The following INTS11 variants were observed in gnomAD, a reference collection of about 807,000 sequenced individuals.
The protein encoded by INTS11 is CPSF3-like protein.
In INTS11, 77 loss-of-function variants were observed where a neutral mutation model predicts 78.6. The observed-to-expected ratio is 0.98, with a 90% CI of 0.81 to 1.18. The LOEUF is 1.18. Ranked by LOEUF, INTS11 falls within the 50% of genes most tolerant of loss-of-function variation. The probability of loss-of-function intolerance (pLI) is 0.00; values close to 1 mark genes in which losing one functional copy is unlikely to be tolerated. For synonymous variants in INTS11, 441 were observed against 326.9 expected (o/e 1.35, Z -3.77); for missense variants, 875 against 825.9 (o/e 1.06, Z -0.73).
At chr1:1,320,917 G>T (rs1437380363) in intron 2 of INTS11, 79 bp downstream of exon 2, 1 of 1,276,580 alleles carries the variant, frequency 7.8e-7, no homozygotes, top group Admixed American at 1.7e-5. Context: ...CCACCCCACT[G>T]TCCCGGCTCT....
chr1:1,315,707 GGGGGTGGGGAGCGTGGGGGAA>G (rs1324087559), intron 4 of INTS11, 89 bp from the exon 5 acceptor site: 2 of 227,976 alleles, frequency 8.8e-6, no homozygotes, highest in African/African-American at 7.2e-5. Flanking sequence ...CGCGGGAGGC[GGGGGTGGGGAGCGTGGGGGAA>G]GGGGAGCGAG....
chr1:1,316,488 C>T (rs1263706498), intron 4 of INTS11: 1 of 151,814 alleles, frequency 6.6e-6, no homozygotes, highest in Non-Finnish European at 1.5e-5. Context: ...ACTCAGTAGG[C>T]TAAGGCAGAA....
chr1:1,312,459 G>C lies in INTS11; in HGVS notation c.1445C>G (p.Thr482Ser), dbSNP rs187264376. 10 of 1,572,986 alleles carry C rather than the reference G, an allele frequency of 6.4e-6. No individual in the cohort carries two copies. In the East Asian group the frequency reaches 2.4e-4, roughly 37 times the overall value. ...EAKKPRLLHG[T>S]LIMKDSNFRL... ...ACTCACGCTGTCCTTCATGATCAGG[G>C]TGCCGTGCAGGAGCCGAGGCTTCTT... Residue 482 changes from threonine to serine, a missense_variant, in exon 14 of 17, where the codon ACC becomes AGC. Transcript: ENST00000435064.
chr1:1,322,897 CTGAGGTGACCT>C, intron 1 of INTS11: 1 of 1,259,286 alleles, frequency 7.9e-7, no homozygotes, highest in South Asian at 2.1e-5. Context: ...GATACCTTGG[CTGAGGTGACCT>C]TGAGAATATA....
intron 2 of INTS11, 189 bp from the exon 3 acceptor site, chr1:1,320,718 C>A (rs1411625562): frequency 4.1e-6 from 3 of 731,472 alleles, no homozygotes; most frequent in East Asian, 5.3e-5. Context: ...AGGTTACCCC[C>A]AACCTCACTG....
intron 2 of INTS11, chr1:1,320,794 G>A (rs760325173): frequency 3.1e-5 from 22 of 715,824 alleles, no homozygotes; most frequent in African/African-American, 1.0e-4. Flanking sequence ...CCCGGGGCTG[G>A]GGCTCAGCGC....
intron 1 of INTS11, chr1:1,323,023 G>C (rs1569576553): frequency 7.1e-7 from 1 of 1,404,844 alleles, no homozygotes. Context: ...TGGGAAAGGG[G>C]CAGGCTGGGA....
chr1:1,323,671 A>G (rs1643100726), intron 1 of INTS11, among the ~76,000 whole-genome samples: 1 of 151,080 alleles, frequency 6.6e-6, no homozygotes, highest in South Asian at 2.1e-4. Context: ...TCTGCCTTCC[A>G]AAGTGCTGTG....
intron 3 of INTS11, 164 bp downstream of exon 3, chr1:1,320,292 G>A (rs1642868076): frequency 1.5e-6 from 1 of 676,342 alleles, no homozygotes. Flanking sequence ...CAGGCCATGT[G>A]TGTGACCAGT....
chr1:1,314,123 G>T lies in INTS11; in HGVS notation c.767+178C>A. 2 of 768,942 alleles carry T rather than the reference G, an allele frequency of 2.6e-6. No individual in the cohort carries two copies. Among genetic ancestry groups the T allele is most frequent in the Non-Finnish European group, 4.3e-6 (2 of 459,896 alleles). The allele number at this position is 768,942 out of a possible 1,614,324, so 47.6% of individuals were successfully genotyped here. A position where few individuals can be genotyped will look rare whatever the true frequency, so the allele number is the denominator to read the frequency against. On this transcript the variant is annotated intron_variant, in intron 8 of 16. Transcript: ENST00000435064. The surrounding 1 kb of genome is among the most constrained non-coding windows in gnomAD (Gnocchi z 4.2). ...AGGAACCCCTACAAGAGCCGCACAC[G>T]GTGGCGCTGACGGGATGTCACAGGC...
Position 1,313,793 on chromosome 1 carries a change from A to G in INTS11, c.896T>C (p.Met299Thr). ...KIRKTFVQRN[M>T]FEFKHIKAFD... ...GGCCTTGATGTGCTTGAACTCAAAC[A>G]TGTTCCTCTGCACGAAAGTCTTGCG... The change falls in exon 9 of 17, where the codon ATG (methionine) becomes ACG (threonine). Residue 299 changes from methionine to threonine, a missense_variant. By Grantham distance (81) the Met-to-Thr change is moderately conservative. Transcript: ENST00000435064. 6.2e-7 allele frequency: 1 copy of G among 1,613,412 alleles called. No homozygotes were observed. Among genetic ancestry groups the G allele is most frequent in the Non-Finnish European group, 8.5e-7 (1 of 1,179,972 alleles).
chr1:1,315,199 G>A, intron 6 of INTS11: 1 of 733,988 alleles, frequency 1.4e-6, no homozygotes. Flanking sequence ...AGAGACTTGG[G>A]AAGAGAGAGA....
chr1:1,323,206 G>A (rs1489248668), intron 1 of INTS11: 12 of 1,550,166 alleles, frequency 7.7e-6, no homozygotes, highest in Non-Finnish European at 8.7e-6. Flanking sequence ...ATGGAATCCC[G>A]TCCTGGTGTC....
In INTS11 at chr1:1,312,213, G is replaced by GGGGGGGCCGCCCCCCCCCC; in HGVS notation, c.1607+12_1607+13insGGGGGGGGGGCGGCCCCCC. The GGGGGGGCCGCCCCCCCCCC allele has an allele frequency of 1.1e-6, 1 of 934,620 alleles. No homozygotes were observed. Among genetic ancestry groups the GGGGGGGCCGCCCCCCCCCC allele is most frequent in the Non-Finnish European group, 1.6e-6 (1 of 636,670 alleles). 57.9% of individuals were successfully genotyped at this position (934,620 alleles called of 1,614,324 possible). On this transcript the variant is annotated intron_variant, in intron 15 of 16. Transcript: ENST00000435064. ...CCCAAGGGAGTGGGGGGGGGGCGGG[G>GGGGGGGCCGCCCCCCCCCC]CCGGGCGCCCACCTCTTGAGGTGGC... is the stretch of plus-strand genomic sequence containing the variant.
chr1:1,316,017 A>C lies in INTS11; in HGVS notation c.430-399T>G, dbSNP rs1369368189. ...CGTGGACTTTGAATACATGACAGAG[A>C]AAAGACAAGGTTCAGAATGTTGGCG... is the stretch of plus-strand genomic sequence containing the variant. On this transcript the variant is annotated intron_variant, in intron 4 of 16. Transcript: ENST00000435064. 5 of 265,114 alleles carry C rather than the reference A, an allele frequency of 1.9e-5. 1 individual carries two copies. Among genetic ancestry groups the C allele is most frequent in the Non-Finnish European group, 3.6e-5 (5 of 137,306 alleles). The allele number at this position is 265,114 out of a possible 1,614,324, so 16.4% of individuals were successfully genotyped here. A position where few individuals can be genotyped will look rare whatever the true frequency, so the allele number is the denominator to read the frequency against.
chr1:1,322,058 G>A, intron 1 of INTS11: 1 of 1,005,514 alleles, frequency 9.9e-7, no homozygotes, highest in Non-Finnish European at 1.3e-6. Context: ...CTCTCTGAGA[G>A]CAGGGTCTCA....
intron 1 of INTS11, among the ~76,000 whole-genome samples, chr1:1,322,260 A>C (rs1642989982): frequency 1.3e-5 from 2 of 151,728 alleles, no homozygotes; most frequent in Admixed American, 6.6e-5. Context: ...GTCCTGAAGT[A>C]CTGGCAGTCC....
At chr1:1,318,602 G>A (rs1168828392) in intron 4 of INTS11, 4 of 340,396 alleles carry the variant, frequency 1.2e-5, no homozygotes, top group African/African-American at 6.5e-5. Context: ...AGGCTGCAGT[G>A]AGCCAAGATC....
At chr1:1,315,081 G>T (rs1273134372) in intron 6 of INTS11, 119 bp from the exon 7 acceptor site, 13 of 1,275,750 alleles carry the variant, frequency 1.0e-5, no homozygotes, top group East Asian at 4.9e-5. Flanking sequence ...ACTCTGGCTG[G>T]AAAGAGCCAG....
Sources: gnomAD v4.1 joint callset for allele counts (sites outside exome capture counted in the v4.1 genomes callset) on GRCh38, gnomAD v4.1.1 for gene constraint, Gnocchi (gnomAD v3.1) non-coding constraint, MANE v1.5 for transcripts, NCBI Gene and HGNC (gene_info 2026-07-23, HGNC 2026-07-21) for gene names.